ZRANB3: variants seen among roughly 807,000 people sequenced by gnomAD.
ZRANB3 encodes the protein zinc finger RANBP2-type containing 3.
In ZRANB3, 125 loss-of-function variants were observed where a neutral mutation model predicts 133.8. The ratio of observed to expected loss-of-function variants is 0.93; its 90% CI spans 0.81 to 1.08. The LOEUF is 1.08. ZRANB3 is among the 50% of genes least tolerant of loss of function. The pLI is 0.00. For missense variants in ZRANB3, 1,229 were observed against 1,275.5 expected, an observed-to-expected ratio of 0.96 and a Z score of 0.56; for synonymous variants, 387 against 432.7, an observed-to-expected ratio of 0.89 and a Z score of 1.31.
chr2:135,322,854 T>TAA (rs1683600906), intron 6 of ZRANB3, among the ~76,000 whole-genome samples: 1 of 151,614 alleles, frequency 6.6e-6, no homozygotes, highest in African/African-American at 2.4e-5. Context: ...CCATCTCTAC[T>TAA]AAAAATACAA....
intron 8 of ZRANB3, among the ~76,000 whole-genome samples, chr2:135,294,589 T>C (rs1681939100): frequency 6.6e-6 from 1 of 152,212 alleles, no homozygotes; most frequent in South Asian, 2.1e-4. Flanking sequence ...TTTGTGTCTC[T>C]ATTTCCTTCA....
chr2:135,276,354 A>C (rs1680828318), intron 8 of ZRANB3, among the ~76,000 whole-genome samples: 1 of 151,918 alleles, frequency 6.6e-6, no homozygotes, highest in South Asian at 2.1e-4. Context: ...GGGATGGAGA[A>C]GGTTCCAGAA....
intron 8 of ZRANB3, among the ~76,000 whole-genome samples, chr2:135,298,032 A>T (rs1682231768): frequency 6.6e-6 from 1 of 152,150 alleles, no homozygotes; most frequent in Non-Finnish European, 1.5e-5. Context: ...AGTTAATATC[A>T]GCCTGGCCAA....
intron 6 of ZRANB3, among the ~76,000 whole-genome samples, chr2:135,317,690 C>T (rs144157464): frequency 1.3e-5 from 2 of 152,300 alleles, no homozygotes; most frequent in East Asian, 3.9e-4. Flanking sequence ...AGGACCTGGT[C>T]TGTAACAGTG....
chr2:135,299,451 C>T (rs555957476), intron 8 of ZRANB3, among the ~76,000 whole-genome samples: 61 of 152,282 alleles, frequency 4.0e-4, no homozygotes, highest in African/African-American at 1.4e-3. Context: ...CTTGTATCTG[C>T]ACTTCCCATT....
At position 135,272,236 on chromosome 2, in the gene ZRANB3, G is replaced by T. The variant is rs538178096; in HGVS notation, c.1087-349C>A. On this transcript the variant is annotated intron_variant, in intron 9 of 20. Transcript: ENST00000264159. ...AGTAAAATTCTACGTAAATTGACAC[G>T]CAAACTTTAAACCATGGATCAGACT... Among the ~76,000 whole-genome samples the T allele has an allele frequency of 7.9e-5, 12 of 152,086 alleles. No homozygotes were observed. In the South Asian group the frequency reaches 2.5e-3, roughly 32 times the overall value.
At chr2:135,375,089 T>C (rs1422797566) in intron 3 of ZRANB3, among the ~76,000 whole-genome samples, 5 of 152,188 alleles carry the variant, frequency 3.3e-5, no homozygotes, top group Non-Finnish European at 7.3e-5. Flanking sequence ...TCTCTTTCAC[T>C]GCTAATGGAA....
rs1690321150 is a variant in ZRANB3 at position 135,452,535 on chromosome 2, T to TA, written c.161+51793dup. Among the ~76,000 whole-genome samples the TA allele has an allele frequency of 2.6e-5, 4 of 152,278 alleles. No homozygotes were observed. The South Asian group carries it at 6.2e-4, about 24-fold the overall frequency. On this transcript the variant is annotated intron_variant, in intron 2 of 20. Transcript: ENST00000264159. ...TGAACCTGTAAAATCCAAAGCAAGT[T>TA]AGTTACGTCCTGGATACAATGGGAG... is the stretch of plus-strand genomic sequence containing the variant.
intron 2 of ZRANB3, among the ~76,000 whole-genome samples, chr2:135,403,669 G>A (rs1474261249): frequency 1.3e-5 from 2 of 152,212 alleles, no homozygotes. Flanking sequence ...GTGGGTCCCT[G>A]ACCACCGAGT....
chr2:135,385,429 T>C (rs1014547555), intron 3 of ZRANB3, among the ~76,000 whole-genome samples: 1 of 152,166 alleles, frequency 6.6e-6, no homozygotes, highest in Non-Finnish European at 1.5e-5. Context: ...AGGTAATTTA[T>C]AGATTCAATG....
chr2:135,256,329 TTTTG>T lies in ZRANB3; in HGVS notation c.1539+9201_1539+9204del, dbSNP rs1247815793. 2.0e-5 allele frequency among the ~76,000 whole-genome samples: 3 copies of T among 152,086 alleles called. No individual in the cohort carries two copies. The South Asian group carries it at 6.2e-4, about 32-fold the overall frequency. ...ATCCATGGTGTAGCATGTATCTTTT[TTTTG>T]TTTGTTTGTTTTTGAGACAGAGTCT... On this transcript the variant is annotated intron_variant, in intron 12 of 20. Coordinates refer to ENST00000264159, the MANE Select transcript of ZRANB3 (RefSeq NM_032143.4).
At chr2:135,306,878 C>G (rs1682733170) in intron 8 of ZRANB3, among the ~76,000 whole-genome samples, 1 of 152,088 alleles carries the variant, frequency 6.6e-6, no homozygotes, top group Admixed American at 6.6e-5. Flanking sequence ...GCATCAGCCA[C>G]TGTACCCAGC....
chr2:135,324,350 T>A (rs1035923913), intron 6 of ZRANB3, among the ~76,000 whole-genome samples: 1 of 151,986 alleles, frequency 6.6e-6, no homozygotes, highest in Non-Finnish European at 1.5e-5. Flanking sequence ...TTTGTTCTTG[T>A]GATACTTTGC....
intron 12 of ZRANB3, among the ~76,000 whole-genome samples, chr2:135,232,478 G>A (rs911627097): frequency 6.6e-6 from 1 of 152,224 alleles, no homozygotes; most frequent in Non-Finnish European, 1.5e-5. Context: ...GGAGATCTGA[G>A]AATGGACAGA....
chr2:135,372,135 C>T (rs1686207852), intron 3 of ZRANB3, among the ~76,000 whole-genome samples: 1 of 146,202 alleles, frequency 6.8e-6, no homozygotes, highest in African/African-American at 2.5e-5. Context: ...GCCACTGTGC[C>T]AGCCTGGGTG....
At chr2:135,334,678 G>C (rs376405974) in intron 6 of ZRANB3, among the ~76,000 whole-genome samples, 5 of 151,958 alleles carry the variant, frequency 3.3e-5, no homozygotes, top group African/African-American at 4.8e-5. Flanking sequence ...GGTGGATCAC[G>C]AGGTCAGGAG....
chr2:135,483,519 T>C (rs940768082), intron 2 of ZRANB3, among the ~76,000 whole-genome samples: 2 of 152,102 alleles, frequency 1.3e-5, no homozygotes, highest in African/African-American at 4.8e-5. Flanking sequence ...TTTTTATTAG[T>C]ATTGCTAGTG....
chr2:135,452,700 T>C (rs1690328256), intron 2 of ZRANB3, among the ~76,000 whole-genome samples: 1 of 152,230 alleles, frequency 6.6e-6, no homozygotes, highest in African/African-American at 2.4e-5. Context: ...ACTCCAGGTC[T>C]CACATCCAGG....
At chr2:135,443,145 A>G (rs1248523190) in intron 2 of ZRANB3, among the ~76,000 whole-genome samples, 1 of 151,592 alleles carries the variant, frequency 6.6e-6, no homozygotes, top group Non-Finnish European at 1.5e-5. Context: ...AAGAAAAAAG[A>G]AAAGAAAAGA....
Sources: gnomAD v4.1 joint callset for allele counts (sites outside exome capture counted in the v4.1 genomes callset) on GRCh38, gnomAD v4.1.1 for gene constraint, MANE v1.5 for transcripts, NCBI Gene and HGNC (gene_info 2026-07-23, HGNC 2026-07-21) for gene names.